The following SYTL2 variants were observed in gnomAD, a reference collection of about 807,000 sequenced individuals.
SYTL2 encodes the protein synaptotagmin like 2.
A neutral mutation model predicts 198.7 loss-of-function variants in SYTL2; 165 were observed. The ratio of observed to expected loss-of-function variants is 0.83; its 90% CI spans 0.73 to 0.94. The LOEUF (loss-of-function observed/expected upper bound fraction) is 0.94, where lower values mean the gene tolerates loss of function less well. SYTL2 is among the 40% of genes least tolerant of loss of function. The pLI is 0.00. For missense variants in SYTL2, 2,835 were observed against 2,582.8 expected (o/e 1.10, Z -2.12); for synonymous variants, 966 against 917.7 (o/e 1.05, Z -0.95).
At chr11:85,745,561 C>T in intron 4 of SYTL2, 76 bp downstream of exon 4, 1 of 1,517,912 alleles carries the variant, frequency 6.6e-7, no homozygotes, top group Non-Finnish European at 9.0e-7. Flanking sequence ...GTACTCATAG[C>T]CTGCCATTCT....
intron 1 of SYTL2, among the ~76,000 whole-genome samples, chr11:85,778,115 G>A (rs976991774): frequency 2.6e-5 from 4 of 151,960 alleles, no homozygotes; most frequent in African/African-American, 9.7e-5. Context: ...CATCATGCCC[G>A]GCCGGTCTTC....
chr11:85,778,280 C>T (rs939496267), intron 1 of SYTL2, among the ~76,000 whole-genome samples: 1 of 152,194 alleles, frequency 6.6e-6, no homozygotes, highest in Non-Finnish European at 1.5e-5. Context: ...CTCACCCTTA[C>T]CCCATCCCCT....
In SYTL2 at chr11:85,708,837, A is replaced by ATTTTTTTTT. The variant is rs72460497; in HGVS notation, c.5915+485_5915+493dup. On this transcript the variant is annotated intron_variant, in intron 14 of 19. Transcript: ENST00000359152. ...TTGAAACATTTTGTGCTTCTCTGTG[A>ATTTTTTTTT]TTTTTTTTTTTTTTTTTTTTTTTTT... Among the ~76,000 whole-genome samples, 7 of 71,596 alleles carry ATTTTTTTTT rather than the reference A, an allele frequency of 9.8e-5. 2 individuals are homozygous for ATTTTTTTTT. Among genetic ancestry groups the ATTTTTTTTT allele is most frequent in the East Asian group, 9.7e-4 (2 of 2,058 alleles). 47.0% of individuals were successfully genotyped at this position (71,596 alleles called of 152,430 possible). A position where few individuals can be genotyped will look rare whatever the true frequency, so the allele number is the denominator to read the frequency against.
chr11:85,849,909 C>T, the SYTL2 span, among the ~76,000 whole-genome samples: 1 of 143,612 alleles, frequency 7.0e-6, no homozygotes, highest in Non-Finnish European at 1.6e-5. Context: ...TTGATTCTTC[C>T]TACCCATGAG....
intron 1 of SYTL2, among the ~76,000 whole-genome samples, chr11:85,792,695 G>A (rs2092747232): frequency 6.6e-6 from 1 of 151,284 alleles, no homozygotes; most frequent in Non-Finnish European, 1.5e-5. Flanking sequence ...AGTTACATAT[G>A]TATACATGTG....
intron 4 of SYTL2, among the ~76,000 whole-genome samples, chr11:85,739,208 G>C (rs2090593001): frequency 6.7e-6 from 1 of 149,898 alleles, no homozygotes; most frequent in Admixed American, 6.6e-5. Context: ...GGCCAATTGA[G>C]CCAGTGCCAG....
intron 16 of SYTL2, among the ~76,000 whole-genome samples, chr11:85,702,577 A>G (rs1264834348): frequency 6.6e-6 from 1 of 152,208 alleles, no homozygotes; most frequent in Admixed American, 6.5e-5. Context: ...GAACCTCTGA[A>G]GGGCCTTAGC....
intron 1 of SYTL2, among the ~76,000 whole-genome samples, chr11:85,765,073 G>A (rs2092204084): frequency 6.6e-6 from 1 of 152,132 alleles, no homozygotes; most frequent in Non-Finnish European, 1.5e-5. Flanking sequence ...TGTAGTGGGT[G>A]GCTTAAGTTG....
intron 2 of SYTL2, among the ~76,000 whole-genome samples, chr11:85,753,660 A>G (rs1237460226): frequency 6.6e-6 from 1 of 151,424 alleles, no homozygotes; most frequent in Non-Finnish European, 1.5e-5. Flanking sequence ...GGTTTTAGCT[A>G]CTTGGGAGAC....
intron 1 of SYTL2, among the ~76,000 whole-genome samples, chr11:85,774,319 A>G (rs1265335552): frequency 6.6e-6 from 1 of 152,178 alleles, no homozygotes; most frequent in Admixed American, 6.5e-5. Flanking sequence ...CATTTTATCA[A>G]TGAGGAAACT....
intron 1 of SYTL2, among the ~76,000 whole-genome samples, chr11:85,773,928 A>C (rs1017260808): frequency 6.6e-6 from 1 of 151,186 alleles, no homozygotes; most frequent in Non-Finnish European, 1.5e-5. Flanking sequence ...TTAAAAAGGC[A>C]ATTCAAAGTT....
intron 1 of SYTL2, among the ~76,000 whole-genome samples, chr11:85,787,101 G>A (rs529004150): frequency 1.8e-4 from 28 of 152,316 alleles, no homozygotes; most frequent in African/African-American, 6.3e-4. Flanking sequence ...CAGGCCTGGG[G>A]AGAGGATCCG....
chr11:85,718,925 C>CG, intron 9 of SYTL2, 82 bp from the exon 10 acceptor site: 5 of 1,569,420 alleles, frequency 3.2e-6, no homozygotes, highest in Middle Eastern at 1.7e-4. Context: ...TGGAAGCCCC[C>CG]GGAGTTGGAA....
chr11:85,808,214 A>G (rs759211362), intron 1 of SYTL2, among the ~76,000 whole-genome samples: 4 of 151,964 alleles, frequency 2.6e-5, no homozygotes, highest in Non-Finnish European at 4.4e-5. Context: ...CTACAGGCGC[A>G]TGCCACCACG....
At chr11:85,714,315 T>C (rs2086804824) in intron 12 of SYTL2, 98 bp downstream of exon 12, 1 of 981,104 alleles carries the variant, frequency 1.0e-6, no homozygotes. Context: ...TCTGACCTCT[T>C]TGATCTCTGC....
At chr11:85,850,219 C>T in the SYTL2 span, among the ~76,000 whole-genome samples, 1 of 149,994 alleles carries the variant, frequency 6.7e-6, no homozygotes, top group Admixed American at 6.7e-5. Flanking sequence ...GATATACAAT[C>T]ATGTCGTCTG....
the SYTL2 span, among the ~76,000 whole-genome samples, chr11:85,839,062 G>C: frequency 2.0e-5 from 3 of 152,284 alleles, no homozygotes; most frequent in African/African-American, 7.2e-5. Context: ...AAATTTAAGG[G>C]AAGCACAAAG....
intron 1 of SYTL2, among the ~76,000 whole-genome samples, chr11:85,784,871 G>A (rs2092612636): frequency 6.6e-6 from 1 of 152,028 alleles, no homozygotes; most frequent in African/African-American, 2.4e-5. Context: ...AAAAAAAAAT[G>A]TTCCTATCAT....
At chr11:85,706,023 A>C (rs1469591472) in intron 15 of SYTL2, among the ~76,000 whole-genome samples, 2 of 152,228 alleles carry the variant, frequency 1.3e-5, no homozygotes, top group African/African-American at 2.4e-5. Context: ...TTTAGTTTTA[A>C]ATGATCTGTT....
Sources: allele counts gnomAD v4.1 joint callset (sites outside exome capture counted in the v4.1 genomes callset), GRCh38; gene constraint gnomAD v4.1.1; transcripts MANE v1.5; gene names NCBI Gene and HGNC (gene_info 2026-07-23, HGNC 2026-07-21).